The following TMEM50B variants were observed in gnomAD, a reference collection of about 807,000 sequenced individuals.
TMEM50B encodes transmembrane protein 50B.
TMEM50B carries 14 observed loss-of-function variants against 23.4 expected under a neutral mutation model. The observed-to-expected ratio is 0.60, with a 90% CI of 0.39 to 0.93. The LOEUF (loss-of-function observed/expected upper bound fraction) is 0.93. TMEM50B is among the 40% of genes least tolerant of loss of function. The pLI is 0.00. For synonymous variants in TMEM50B, 64 were observed against 62.3 expected, an observed-to-expected ratio of 1.03 and a Z score of -0.13; for missense variants, 159 against 193.0, an observed-to-expected ratio of 0.82 and a Z score of 1.04.
intron 7 of TMEM50B, among the ~76,000 whole-genome samples, chr21:33,440,005 C>A (rs2083994211): frequency 6.6e-6 from 1 of 151,958 alleles, no homozygotes; most frequent in South Asian, 2.1e-4. Flanking sequence ...GACATGGCAC[C>A]TCTGCACTCC....
At chr21:33,438,788 G>A (rs1601101405) in intron 8 of TMEM50B, among the ~76,000 whole-genome samples, 1 of 151,828 alleles carries the variant, frequency 6.6e-6, no homozygotes, top group East Asian at 1.9e-4. Context: ...GGAGCGCAGT[G>A]GCGCGATCTC....
At chr21:33,478,683 C>A in intron 1 of TMEM50B, 1 of 447,718 alleles carries the variant, frequency 2.2e-6, no homozygotes, top group South Asian at 1.6e-5. Context: ...GCTTTTCCAG[C>A]GCGATAAATA....
At chr21:33,456,992 C>T (rs752078688) in intron 5 of TMEM50B, among the ~76,000 whole-genome samples, 2 of 152,184 alleles carry the variant, frequency 1.3e-5, no homozygotes, top group Non-Finnish European at 2.9e-5. Flanking sequence ...TGGTGACTCA[C>T]GCTTGTAATC....
At chr21:33,473,869 T>C (rs1298592053) in intron 1 of TMEM50B, among the ~76,000 whole-genome samples, 2 of 151,760 alleles carry the variant, frequency 1.3e-5, no homozygotes, top group African/African-American at 4.8e-5. Context: ...AGGAAAGAGG[T>C]TCCTACTGAT....
intron 1 of TMEM50B, among the ~76,000 whole-genome samples, chr21:33,478,124 GA>G (rs1355215394): frequency 6.6e-6 from 1 of 151,624 alleles, no homozygotes; most frequent in East Asian, 1.9e-4. Flanking sequence ...GACAGAGCAA[GA>G]CTCTGTCTCA....
At chr21:33,454,425 C>G (rs528173044) in intron 6 of TMEM50B, among the ~76,000 whole-genome samples, 4 of 152,126 alleles carry the variant, frequency 2.6e-5, no homozygotes, top group Admixed American at 2.6e-4. Flanking sequence ...CTCAGCCTTC[C>G]GAGTAGCTGG....
downstream of TMEM50B, among the ~76,000 whole-genome samples, chr21:33,447,653 TGTCAA>T (rs1196004291): frequency 6.6e-6 from 1 of 150,878 alleles, no homozygotes; most frequent in Admixed American, 6.7e-5. Flanking sequence ...TGCAAATCAA[TGTCAA>T]GTCAACGTCT....
At chr21:33,441,508 A>G (rs551560248) in intron 7 of TMEM50B, among the ~76,000 whole-genome samples, 1 of 152,310 alleles carries the variant, frequency 6.6e-6, no homozygotes, top group South Asian at 2.1e-4. Context: ...AGCAAGGGGG[A>G]TGCCATTCCA....
chr21:33,468,316 T>C (rs2084283388), intron 2 of TMEM50B: 1 of 153,004 alleles, frequency 6.5e-6, no homozygotes, highest in Admixed American at 6.5e-5. Flanking sequence ...GCTCCCCTGA[T>C]GTTGCAGCTG....
At chr21:33,455,359 A>AT (rs1304104354) in intron 6 of TMEM50B, among the ~76,000 whole-genome samples, 13 of 151,792 alleles carry the variant, frequency 8.6e-5, no homozygotes, top group Non-Finnish European at 1.6e-4. Flanking sequence ...TAATTTTTAT[A>AT]TTTTTTTATA....
chr21:33,465,484 G>A, intron 3 of TMEM50B, 75 bp from the exon 4 acceptor site: 6 of 1,084,128 alleles, frequency 5.5e-6, no homozygotes, highest in Non-Finnish European at 6.8e-6. Flanking sequence ...ATAACACTTA[G>A]ACGGAAAACA....
intron 1 of TMEM50B, among the ~76,000 whole-genome samples, chr21:33,471,551 T>C (rs953115846): frequency 1.3e-5 from 2 of 152,150 alleles, no homozygotes; most frequent in East Asian, 3.9e-4. Context: ...ATGGAGAATC[T>C]TAGTAGAGAA....
chr21:33,479,042 C>G (rs1336338213), intron 1 of TMEM50B: 1 of 332,366 alleles, frequency 3.0e-6, no homozygotes, highest in Admixed American at 4.1e-5. Flanking sequence ...GACCCAGGCA[C>G]GCGCAGCGGG....
intron 4 of TMEM50B, among the ~76,000 whole-genome samples, chr21:33,461,939 AAG>A (rs1342669517): frequency 5.3e-5 from 8 of 152,200 alleles, no homozygotes; most frequent in Non-Finnish European, 1.2e-4. Context: ...TATTAACAAA[AAG>A]AGAAAAAAAA....
At chr21:33,476,340 G>A (rs754008619) in intron 1 of TMEM50B, among the ~76,000 whole-genome samples, 21 of 151,858 alleles carry the variant, frequency 1.4e-4, no homozygotes, top group South Asian at 8.3e-4. Context: ...CCAAGATCAC[G>A]CCATTGCACT....
At chr21:33,441,599 T>C (rs2084009539) in intron 7 of TMEM50B, among the ~76,000 whole-genome samples, 1 of 151,988 alleles carries the variant, frequency 6.6e-6, no homozygotes, top group Admixed American at 6.6e-5. Flanking sequence ...TGTGCAAGGT[T>C]GAGATTTTTG....
chr21:33,459,908 A>C (rs972384719), intron 5 of TMEM50B, among the ~76,000 whole-genome samples: 1 of 151,834 alleles, frequency 6.6e-6, no homozygotes, highest in African/African-American at 2.4e-5. Context: ...ATAATCTAAT[A>C]TATCTATTTT....
At chr21:33,440,333 A>G (rs1358441370) in intron 7 of TMEM50B, among the ~76,000 whole-genome samples, 1 of 152,194 alleles carries the variant, frequency 6.6e-6, no homozygotes, top group Non-Finnish European at 1.5e-5. Context: ...CACACCTGTA[A>G]TCCCAGCACT....
intron 8 of TMEM50B, chr21:33,436,714 C>T: frequency 1.2e-6 from 1 of 808,312 alleles, no homozygotes; most frequent in Non-Finnish European, 1.9e-6. Flanking sequence ...AGTAAGACTC[C>T]ATCTCAAAAA....
Sources: allele counts gnomAD v4.1 joint callset (sites outside exome capture counted in the v4.1 genomes callset), GRCh38; gene constraint gnomAD v4.1.1; transcripts MANE v1.5; gene names NCBI Gene and HGNC (gene_info 2026-07-23, HGNC 2026-07-21).